FXYD1: variants seen among roughly 807,000 people sequenced by gnomAD.
FXYD1 encodes FXYD domain containing ion transport regulator 1.
In FXYD1, 9 loss-of-function variants were observed where a neutral mutation model predicts 17.2. The ratio of observed to expected loss-of-function variants is 0.52; its 90% CI spans 0.32 to 0.91. The LOEUF (loss-of-function observed/expected upper bound fraction) is 0.91. FXYD1 is among the 40% of genes least tolerant of loss of function. FXYD1 has a pLI of 0.04. For synonymous variants in FXYD1, 55 were observed against 45.8 expected, an observed-to-expected ratio of 1.20 and a Z score of -0.81; for missense variants, 113 against 120.6, an observed-to-expected ratio of 0.94 and a Z score of 0.29.
At chr19:35,142,859 G>A (rs2065270488) in intron 7 of FXYD1, 58 bp from the exon 8 acceptor site, 1 of 983,466 alleles carries the variant, frequency 1.0e-6, no homozygotes, top group African/African-American at 1.6e-5. Context: ...GAGTTGAAGG[G>A]CGGCGAGGGG....
chr19:35,138,457 G>A (rs1037703985), upstream of FXYD1: 5 of 152,296 alleles, frequency 3.3e-5, no homozygotes, highest in African/African-American at 9.7e-5. Context: ...GGGATCGGGG[G>A]TCAGTGGGCT....
At chr19:35,139,605 T>A in intron 1 of FXYD1, 1 of 162,538 alleles carries the variant, frequency 6.2e-6, no homozygotes, top group Non-Finnish European at 1.3e-5. Context: ...TGGGAGATAT[T>A]TATACCCGGG....
At chr19:35,141,054 C>G in intron 3 of FXYD1, 78 bp from the exon 4 acceptor site, 1 of 866,190 alleles carries the variant, frequency 1.2e-6, no homozygotes, top group Non-Finnish European at 2.0e-6. Context: ...CTCCCTGTTC[C>G]CTCCTTCCCA....
Position 35,142,924 on chromosome 19 carries a change from C to T in FXYD1, c.*37C>T. On this transcript the variant is annotated 3_prime_UTR_variant, in exon 8 of 8. Coordinates refer to ENST00000351325, the MANE Select transcript of FXYD1 (RefSeq NM_021902.4). Reference sequence around the variant, plus strand: ...CCCTTTTCACCCTCACAGGACTCCCCTGGCACCTGACATCTCCCACGCTCC... The same window carrying T: ...CCCTTTTCACCCTCACAGGACTCCCTTGGCACCTGACATCTCCCACGCTCC... 1 of 630,636 alleles carries T rather than the reference C, an allele frequency of 1.6e-6. No homozygotes were observed. The highest frequency in any genetic ancestry group is 1.8e-5 in the South Asian group (1 of 54,276). 39.1% of individuals were successfully genotyped at this position (630,636 alleles called of 1,614,324 possible).
In FXYD1 at chr19:35,142,530, G is replaced by T; in HGVS notation, c.256+9G>T. ...CCGCAGCTCCATCCGCCGTGAGTCT[G>T]GGGAGACTGCGGGTATTCTGGGGAG... is the stretch of plus-strand genomic sequence containing the variant. On this transcript the variant is annotated intron_variant, in intron 6 of 7. Coordinates refer to ENST00000351325, the MANE Select transcript of FXYD1 (RefSeq NM_021902.4). The T allele has an allele frequency of 6.2e-7, 1 of 1,612,440 alleles. No individual in the cohort carries two copies. Among genetic ancestry groups the T allele is most frequent in the Non-Finnish European group, 8.5e-7 (1 of 1,178,614 alleles).
intron 5 of FXYD1, 126 bp from the exon 6 acceptor site, chr19:35,142,346 C>T: frequency 1.4e-6 from 1 of 722,678 alleles, no homozygotes; most frequent in South Asian, 1.8e-5. Flanking sequence ...GACCCCGAGC[C>T]TGCTCTTCGT....
At position 35,142,434 on chromosome 19, in the gene FXYD1, C is replaced by T. The variant is rs74693828; in HGVS notation, c.207-38C>T. ...GTTCCTAGAAGGGCAGCCTCTCCCC[C>T]TTTCCATCCCGAAATCCCTCTGCCT... On this transcript the variant is annotated intron_variant, in intron 5 of 7. Coordinates refer to ENST00000351325, the MANE Select transcript of FXYD1 (RefSeq NM_021902.4). 2.6e-3 allele frequency: 4,004 copies of T among 1,558,976 alleles called. 89 individuals carry two copies. The African/African-American group carries it at 0.048, about 19-fold the overall frequency.
In FXYD1 at chr19:35,139,875, T is replaced by A. The variant is rs1382166263; in HGVS notation, c.-4-201T>A. 4.6e-5 allele frequency: 26 copies of A among 567,258 alleles called. 1 individual carries two copies. In the Admixed American group the frequency reaches 7.5e-4, roughly 16 times the overall value. 35.1% of individuals were successfully genotyped at this position (567,258 alleles called of 1,614,324 possible). A position where few individuals can be genotyped will look rare whatever the true frequency, so the allele number is the denominator to read the frequency against. ...CCTGCTACGTTGTGTTGTTGTGTGA[T>A]CCCATCGTGGAGGTTGTTTTGGTGA... On this transcript the variant is annotated intron_variant, in intron 1 of 7. Coordinates refer to ENST00000351325, the MANE Select transcript of FXYD1 (RefSeq NM_021902.4).
Position 35,143,020 on chromosome 19 carries a change from A to G in FXYD1, c.*133A>G, listed in dbSNP as rs908908856. On this transcript the variant is annotated 3_prime_UTR_variant, in exon 8 of 8. Transcript: ENST00000351325. This position sits in a 1 kb window ranked among gnomAD's most constrained non-coding sequence, Gnocchi z 4.3. ...CCCCCGCAGACTCCCCCTGCCGCCA[A>G]GACTTCCAATAAAACGTGCGTTCCT... The G allele has an allele frequency of 7.1e-6, 4 of 562,638 alleles. No individual in the cohort carries two copies. Among genetic ancestry groups the G allele is most frequent in the African/African-American group, 5.9e-5 (3 of 51,086 alleles). 34.9% of individuals were successfully genotyped at this position (562,638 alleles called of 1,614,324 possible).
At chr19:35,141,269 C>A in intron 4 of FXYD1, 63 bp downstream of exon 4, 1 of 360,112 alleles carries the variant, frequency 2.8e-6, no homozygotes, top group East Asian at 5.7e-5. Flanking sequence ...TCTCTGGCCC[C>A]GCCTCTCCCT....
chr19:35,142,663 G>A, intron 6 of FXYD1, 57 bp from the exon 7 acceptor site: 2 of 1,586,572 alleles, frequency 1.3e-6, no homozygotes, highest in Admixed American at 1.7e-5. Context: ...GGCCCCACCT[G>A]CCCAGGAGCT....
chr19:35,142,833 A>G, intron 7 of FXYD1, 62 bp downstream of exon 7: 4 of 1,284,468 alleles, frequency 3.1e-6, no homozygotes, highest in Non-Finnish European at 3.4e-6. Flanking sequence ...CGGGAGAGGG[A>G]GGGGGCCAAG....
At chr19:35,141,009 T>C (rs1173063057) in intron 3 of FXYD1, 123 bp from the exon 4 acceptor site, 2 of 639,556 alleles carry the variant, frequency 3.1e-6, no homozygotes, top group Non-Finnish European at 5.7e-6. Flanking sequence ...CCCCCTTAAT[T>C]ATCTTACTTC....
chr19:35,140,533 C>T (rs1212824571), intron 2 of FXYD1, 64 bp from the exon 3 acceptor site: 44 of 1,459,620 alleles, frequency 3.0e-5, no homozygotes, highest in African/African-American at 4.2e-5. Context: ...CCAGTGGTCT[C>T]CTCATGCCCC....
In FXYD1 at chr19:35,140,109, C is replaced by A; in HGVS notation, c.30C>A (p.Phe10Leu). MASLGHILV[F>L]CVGLLTMAKA... ...CGTCTCTTGGCCACATCTTGGTTTT[C>A]TGTGTGGGTCTCCTCACCATGGCCA... is the stretch of plus-strand genomic sequence containing the variant. The change falls in exon 2 of 8, where the codon TTC becomes TTA. Residue 10 changes from phenylalanine to leucine, a missense_variant. By Grantham distance (22) the Phe-to-Leu change is conservative (BLOSUM62 0). Transcript: ENST00000351325. The A allele has an allele frequency of 6.2e-7, 1 of 1,606,426 alleles. No homozygotes were observed. The highest frequency in any genetic ancestry group is 8.5e-7 in the Non-Finnish European group (1 of 1,173,040).
upstream of FXYD1, among the ~76,000 whole-genome samples, chr19:35,137,214 A>G (rs1190218521): frequency 1.3e-5 from 2 of 152,240 alleles, no homozygotes; most frequent in African/African-American, 4.8e-5. Context: ...TCACACAACC[A>G]GGAGTGCAGT....
chr19:35,141,451 C>T (rs1219810059), intron 4 of FXYD1, 85 bp from the exon 5 acceptor site: 11 of 1,178,352 alleles, frequency 9.3e-6, no homozygotes, highest in African/African-American at 6.1e-5. Context: ...AGCCCCGCCC[C>T]TCGCGAGGGC....
chr19:35,137,284 G>A (rs2065215404), upstream of FXYD1, among the ~76,000 whole-genome samples: 1 of 152,226 alleles, frequency 6.6e-6, no homozygotes, highest in Non-Finnish European at 1.5e-5. Context: ...TGCCCATGGG[G>A]ACGCCAGGTG....
chr19:35,140,397 G>A (rs961642614), intron 2 of FXYD1, among the ~76,000 whole-genome samples, 200 bp from the exon 3 acceptor site: 1 of 152,084 alleles, frequency 6.6e-6, no homozygotes, highest in Non-Finnish European at 1.5e-5. Flanking sequence ...CCGTGAGTCA[G>A]GGAGCTGGGG....
Sources: allele counts gnomAD v4.1 joint callset (sites outside exome capture counted in the v4.1 genomes callset), GRCh38; gene constraint gnomAD v4.1.1; non-coding constraint Gnocchi (gnomAD v3.1); transcripts MANE v1.5; gene names NCBI Gene and HGNC (gene_info 2026-07-23, HGNC 2026-07-21).